HACD1: variants seen among roughly 807,000 people sequenced by gnomAD.
HACD1 encodes the protein very-long-chain (3R)-3-hydroxyacyl-CoA dehydratase 1.
In HACD1, 41 loss-of-function variants were observed where a neutral mutation model predicts 32.0. The observed-to-expected ratio is 1.28, with a 90% CI of 1.00 to 1.66. HACD1 has a LOEUF of 1.66. Ranked by LOEUF, HACD1 falls within the 40% of genes most tolerant of loss-of-function variation. The probability of loss-of-function intolerance (pLI) is 0.00; values close to 1 mark genes in which losing one functional copy is unlikely to be tolerated. For missense variants in HACD1, 396 were observed against 380.1 expected, an observed-to-expected ratio of 1.04 and a Z score of -0.35; for synonymous variants, 142 against 139.0, an observed-to-expected ratio of 1.02 and a Z score of -0.15.
intron 5 of HACD1, among the ~76,000 whole-genome samples, chr10:17,598,554 A>G (rs1342977280): frequency 6.6e-6 from 1 of 152,178 alleles, no homozygotes; most frequent in Non-Finnish European, 1.5e-5. Flanking sequence ...TCATACCTAC[A>G]TCTCAGGCAT....
chr10:17,593,945 T>G (rs1370968440), intron 6 of HACD1, among the ~76,000 whole-genome samples: 2 of 152,202 alleles, frequency 1.3e-5, no homozygotes, highest in African/African-American at 4.8e-5. Context: ...AAAATCATAC[T>G]AAGCTGATGT....
chr10:17,591,976 A>ATTTTTTTTTTTTTTTTTTTTTTTTTT (rs71393019), intron 6 of HACD1, among the ~76,000 whole-genome samples: 5 of 96,956 alleles, frequency 5.2e-5, no homozygotes, highest in Non-Finnish European at 5.6e-5. Context: ...CCAGCTACTG[A>ATTTTTTTTTTTTTTTTTTTTTTTTTT]TTTTTTTTTT....
Position 17,590,048 on chromosome 10 carries a change from A to G in HACD1, c.*316T>C, listed in dbSNP as rs115487084. 236 of 171,244 alleles carry G rather than the reference A, an allele frequency of 1.4e-3. 1 individual carries two copies. Among genetic ancestry groups the G allele is most frequent in the African/African-American group, 4.5e-3 (190 of 42,404 alleles). The allele number at this position is 171,244 out of a possible 1,614,324, so 10.6% of individuals were successfully genotyped here. A position where few individuals can be genotyped will look rare whatever the true frequency, so the allele number is the denominator to read the frequency against. The stretch of plus-strand genomic sequence containing the variant: ...AGTAAATCGTTAAACTAATTTCTAA[A>G]TATTGATTTAAAAAGCTTTGAGCAT... On this transcript the variant is annotated 3_prime_UTR_variant, in exon 7 of 7. Coordinates refer to ENST00000361271, the MANE Select transcript of HACD1 (RefSeq NM_014241.4).
Position 17,604,016 on chromosome 10 carries a change from A to G in HACD1, c.289T>C (p.Phe97Leu). ...WLVLAIAMVR[F>L]YMEKGTHRGL... ...CTGTGTGTTCCTTTTTCCATATAAAAACGTACCATGGCAATAGCTAGAACC... is the reference window on the plus strand; with the variant it reads ...CTGTGTGTTCCTTTTTCCATATAAAGACGTACCATGGCAATAGCTAGAACC... Residue 97 changes from phenylalanine to leucine, a missense_variant, in exon 2 of 7, where the codon TTT becomes CTT. Transcript: ENST00000361271. 1 of 1,597,668 alleles carries G rather than the reference A, an allele frequency of 6.3e-7. No homozygotes were observed.
chr10:17,608,907 A>C (rs1233002225), intron 1 of HACD1, among the ~76,000 whole-genome samples: 1 of 152,214 alleles, frequency 6.6e-6, no homozygotes, highest in South Asian at 2.1e-4. Context: ...ACTCATGCCA[A>C]TAACGAGTCA....
At chr10:17,616,458 G>A (rs1564513489) in intron 1 of HACD1, among the ~76,000 whole-genome samples, 1 of 152,066 alleles carries the variant, frequency 6.6e-6, no homozygotes, top group Non-Finnish European at 1.5e-5. Context: ...AGAGCTCTGC[G>A]AAGAGCGACA....
intron 5 of HACD1, 122 bp downstream of exon 5, chr10:17,599,168 A>G: frequency 6.9e-7 from 1 of 1,449,258 alleles, no homozygotes; most frequent in Non-Finnish European, 9.1e-7. Context: ...TATACCAGTT[A>G]TACCTCCTAT....
At chr10:17,590,894 T>TGAACTCCTGGCCTC (rs1833920356) in intron 6 of HACD1, among the ~76,000 whole-genome samples, 1 of 152,176 alleles carries the variant, frequency 6.6e-6, no homozygotes, top group African/African-American at 2.4e-5. Flanking sequence ...AGCCTGGTCT[T>TGAACTCCTGGCCTC]GAACTCCTGG....
At chr10:17,609,155 G>GTTTTTTTTTTTTTTT (rs56347429) in intron 1 of HACD1, among the ~76,000 whole-genome samples, 55 of 132,106 alleles carry the variant, frequency 4.2e-4, no homozygotes, top group African/African-American at 1.4e-3. Context: ...TGTGCAAAAG[G>GTTTTTTTTTTTTTTT]TTTTTTTTTT....
rs1345669438 is a variant in HACD1 at position 17,590,222 on chromosome 10, G to T, written c.*142C>A. The T allele has an allele frequency of 1.1e-5, 6 of 545,976 alleles. No individual in the cohort carries two copies. The highest frequency in any genetic ancestry group is 3.2e-5 in the South Asian group (1 of 31,442). The allele number at this position is 545,976 out of a possible 1,614,324, so 33.8% of individuals were successfully genotyped here. A position where few individuals can be genotyped will look rare whatever the true frequency, so the allele number is the denominator to read the frequency against. Reference sequence around the variant, plus strand: ...TGGCACAAGAGGAACACAAATACTGGCAAATACCACGTGTCTCAAGTTATA... The same window carrying T: ...TGGCACAAGAGGAACACAAATACTGTCAAATACCACGTGTCTCAAGTTATA... On this transcript the variant is annotated 3_prime_UTR_variant, in exon 7 of 7. Coordinates refer to ENST00000361271, the MANE Select transcript of HACD1 (RefSeq NM_014241.4).
chr10:17,610,121 T>G (rs1834211927), intron 1 of HACD1, among the ~76,000 whole-genome samples: 1 of 152,184 alleles, frequency 6.6e-6, no homozygotes, highest in South Asian at 2.1e-4. Flanking sequence ...GCTTATAGCT[T>G]GATTTGTAAT....
At chr10:17,616,320 G>A (rs1449126517) in intron 1 of HACD1, among the ~76,000 whole-genome samples, 1 of 152,076 alleles carries the variant, frequency 6.6e-6, no homozygotes, top group South Asian at 2.1e-4. Flanking sequence ...ACTTTTCCTC[G>A]CGTTTACATA....
chr10:17,609,725 A>T (rs1834203032), intron 1 of HACD1, among the ~76,000 whole-genome samples: 1 of 152,128 alleles, frequency 6.6e-6, no homozygotes, highest in Admixed American at 6.6e-5. Flanking sequence ...CGGTTTCATA[A>T]GAAATTACGC....
intron 1 of HACD1, among the ~76,000 whole-genome samples, chr10:17,605,169 G>A (rs1489817680): frequency 1.3e-5 from 2 of 152,152 alleles, no homozygotes; most frequent in Admixed American, 1.3e-4. Context: ...TATGGAGACA[G>A]AAGGAAGTAA....
At chr10:17,602,832 A>G (rs1203491689) in intron 4 of HACD1, 1 of 152,166 alleles carries the variant, frequency 6.6e-6, no homozygotes, top group Non-Finnish European at 1.5e-5. Context: ...GTTCAGATCT[A>G]CAGAACTGCA....
At chr10:17,593,204 G>A (rs914496732) in intron 6 of HACD1, among the ~76,000 whole-genome samples, 1 of 152,124 alleles carries the variant, frequency 6.6e-6, no homozygotes, top group African/African-American at 2.4e-5. Flanking sequence ...GAGACCTCAA[G>A]GGGCTGGCCA....
intron 5 of HACD1, among the ~76,000 whole-genome samples, chr10:17,597,160 T>A (rs1237859861): frequency 6.6e-6 from 1 of 152,230 alleles, no homozygotes; most frequent in Admixed American, 6.5e-5. Context: ...AAACACTTTC[T>A]TCTTTTGAGA....
At chr10:17,599,450 G>A in intron 4 of HACD1, 39 bp from the exon 5 acceptor site, 1 of 1,586,222 alleles carries the variant, frequency 6.3e-7, no homozygotes, top group Admixed American at 1.8e-5. Context: ...ATTCAACCTA[G>A]AACTTACTTT....
chr10:17,593,313 C>T (rs1554815725), intron 6 of HACD1, among the ~76,000 whole-genome samples: 1 of 120,908 alleles, frequency 8.3e-6, no homozygotes, highest in Non-Finnish European at 1.7e-5. Context: ...CACTATTAGC[C>T]CCCACGCCTT....
Sources: gnomAD v4.1 joint callset for allele counts (sites outside exome capture counted in the v4.1 genomes callset) on GRCh38, gnomAD v4.1.1 for gene constraint, MANE v1.5 for transcripts, NCBI Gene and HGNC (gene_info 2026-07-23, HGNC 2026-07-21) for gene names.